The following POU6F2 variants were observed in gnomAD, a reference collection of about 807,000 sequenced individuals.
POU6F2 encodes the protein POU domain, class 6, transcription factor 2.
A neutral mutation model predicts 71.3 loss-of-function variants in POU6F2; 31 were observed. The ratio of observed to expected loss-of-function variants is 0.43; its 90% CI spans 0.33 to 0.59. POU6F2 has a LOEUF of 0.59. POU6F2 is among the 20% of genes least tolerant of loss of function. POU6F2 has a pLI of 0.04. For synonymous variants in POU6F2, 347 were observed against 355.7 expected (o/e 0.98, Z 0.27); for missense variants, 783 against 856.8 (o/e 0.91, Z 1.07).
chr7:39,116,568 T>C (rs1313064014), intron 2 of POU6F2, among the ~76,000 whole-genome samples: 1 of 152,210 alleles, frequency 6.6e-6, no homozygotes, highest in African/African-American at 2.4e-5. Context: ...GGAGGCTAAC[T>C]GTTTAATATT....
At chr7:39,298,362 G>T (rs183896793) in intron 4 of POU6F2, among the ~76,000 whole-genome samples, 2 of 152,286 alleles carry the variant, frequency 1.3e-5, no homozygotes, top group East Asian at 3.9e-4. Context: ...GATATGAACA[G>T]ACACTTCTCA....
intron 2 of POU6F2, among the ~76,000 whole-genome samples, chr7:39,149,073 C>T (rs907694051): frequency 6.6e-6 from 1 of 152,138 alleles, no homozygotes; most frequent in African/African-American, 2.4e-5. Flanking sequence ...AGGGAGGACT[C>T]TGAGGAAGCA....
At chr7:39,167,655 C>A (rs1793140817) in intron 2 of POU6F2, among the ~76,000 whole-genome samples, 1 of 151,858 alleles carries the variant, frequency 6.6e-6, no homozygotes, top group Admixed American at 6.6e-5. Flanking sequence ...ATATCTTTTT[C>A]TTTATTAGCT....
At chr7:39,190,417 TAAAAA>T (rs57872350) in intron 2 of POU6F2, among the ~76,000 whole-genome samples, 47 of 59,892 alleles carry the variant, frequency 7.8e-4, no homozygotes, top group African/African-American at 3.3e-3. Flanking sequence ...CTCCTTTTCT[TAAAAA>T]AAAAAAAAAA....
At chr7:39,281,684 T>G (rs1784565140) in intron 4 of POU6F2, among the ~76,000 whole-genome samples, 1 of 152,196 alleles carries the variant, frequency 6.6e-6, no homozygotes, top group African/African-American at 2.4e-5. Flanking sequence ...ATACCACATT[T>G]TCTTTATCCA....
At chr7:38,981,821 G>T (rs2116589151) in intron 1 of POU6F2, among the ~76,000 whole-genome samples, 1 of 152,294 alleles carries the variant, frequency 6.6e-6, no homozygotes, top group Admixed American at 6.5e-5. Flanking sequence ...TAATGCAAAT[G>T]TCTCAGACAG....
chr7:39,203,575 C>T (rs1203138710), intron 2 of POU6F2, among the ~76,000 whole-genome samples: 1 of 152,170 alleles, frequency 6.6e-6, no homozygotes, highest in African/African-American at 2.4e-5. Context: ...TTCATTTTTT[C>T]TGCTTTGCTG....
chr7:39,347,557 A>C (rs1786054718), intron 5 of POU6F2, among the ~76,000 whole-genome samples: 1 of 152,156 alleles, frequency 6.6e-6, no homozygotes, highest in Non-Finnish European at 1.5e-5. Flanking sequence ...ACATAATGCT[A>C]ATATTGCCTA....
At chr7:39,439,932 C>T (rs768492629) in intron 7 of POU6F2, among the ~76,000 whole-genome samples, 8 of 152,082 alleles carry the variant, frequency 5.3e-5, no homozygotes, top group East Asian at 1.9e-4. Flanking sequence ...ATTTCTCCTT[C>T]GCTTATGAAG....
chr7:39,155,870 C>T (rs1792858398), intron 2 of POU6F2, among the ~76,000 whole-genome samples: 1 of 152,100 alleles, frequency 6.6e-6, no homozygotes, highest in East Asian at 1.9e-4. Flanking sequence ...AGCCATATGG[C>T]AAACACTATT....
chr7:39,026,994 T>A (rs1436834566), intron 1 of POU6F2, among the ~76,000 whole-genome samples: 2 of 152,086 alleles, frequency 1.3e-5, no homozygotes, highest in Non-Finnish European at 2.9e-5. Context: ...ATTGACTGGT[T>A]TTCCCTCTAT....
intron 1 of POU6F2, among the ~76,000 whole-genome samples, chr7:39,075,829 G>T (rs923545838): frequency 6.6e-6 from 1 of 152,216 alleles, no homozygotes; most frequent in East Asian, 1.9e-4. Flanking sequence ...CCTTTGCTTT[G>T]TTGGACTAAT....
intron 1 of POU6F2, among the ~76,000 whole-genome samples, chr7:39,020,113 C>A (rs986864063): frequency 6.6e-6 from 1 of 152,104 alleles, no homozygotes; most frequent in East Asian, 1.9e-4. Flanking sequence ...CCCAGACCCC[C>A]CAAAAAAGCT....
At chr7:39,409,275 A>G (rs1787501080) in intron 6 of POU6F2, among the ~76,000 whole-genome samples, 2 of 152,214 alleles carry the variant, frequency 1.3e-5, no homozygotes, top group African/African-American at 4.8e-5. Flanking sequence ...TAATCACGTT[A>G]AAACCTAAAC....
At chr7:39,055,120 G>A (rs1211868110) in intron 1 of POU6F2, among the ~76,000 whole-genome samples, 1 of 152,132 alleles carries the variant, frequency 6.6e-6, no homozygotes, top group East Asian at 1.9e-4. Flanking sequence ...TTGTAGGAAC[G>A]AAGTAGACGT....
intron 1 of POU6F2, among the ~76,000 whole-genome samples, chr7:39,049,399 T>G (rs751554366): frequency 6.6e-6 from 1 of 152,028 alleles, no homozygotes; most frequent in Non-Finnish European, 1.5e-5. Flanking sequence ...GCTCAAAATA[T>G]TTTGCAATTT....
In POU6F2 at chr7:39,435,879, A is replaced by G. The variant is rs1341294227; in HGVS notation, c.1320+2596A>G. On this transcript the variant is annotated intron_variant, in intron 7 of 9. Coordinates refer to ENST00000518318, the MANE Select transcript of POU6F2 (RefSeq NM_001370959.1). ...CTTTTCCCAGCACCATTTATTAAAT[A>G]GGGAATCCTTTCCCCTTTGTTTTTG... 2.0e-5 allele frequency among the ~76,000 whole-genome samples: 3 copies of G among 152,342 alleles called. No homozygotes were observed. In the South Asian group the frequency reaches 6.2e-4, roughly 32 times the overall value.
chr7:39,465,074 A>T lies in POU6F2; in HGVS notation c.*388A>T, dbSNP rs545748694. 297 of 172,268 alleles carry T rather than the reference A, an allele frequency of 1.7e-3. 1 individual carries two copies. The highest frequency in any genetic ancestry group is 2.9e-3 in the Middle Eastern group (1 of 340). The allele number at this position is 172,268 out of a possible 1,614,324, so 10.7% of individuals were successfully genotyped here. A position where few individuals can be genotyped will look rare whatever the true frequency, so the allele number is the denominator to read the frequency against. On this transcript the variant is annotated 3_prime_UTR_variant, in exon 10 of 10. Coordinates refer to ENST00000518318, the MANE Select transcript of POU6F2 (RefSeq NM_001370959.1). Reference sequence around the variant, plus strand: ...GTGAACACATTTTAAGGAAAAAGAAAAAAAAAAACTAAACCAAAAACCAAC... The same window carrying T: ...GTGAACACATTTTAAGGAAAAAGAATAAAAAAAACTAAACCAAAAACCAAC...
intron 4 of POU6F2, among the ~76,000 whole-genome samples, chr7:39,327,462 T>C (rs1473434430): frequency 6.6e-6 from 1 of 151,904 alleles, no homozygotes; most frequent in East Asian, 1.9e-4. Context: ...ACAATCTTCT[T>C]AGGGGTAAAG....
Sources: allele counts gnomAD v4.1 joint callset (sites outside exome capture counted in the v4.1 genomes callset), GRCh38; gene constraint gnomAD v4.1.1; transcripts MANE v1.5; gene names NCBI Gene and HGNC (gene_info 2026-07-23, HGNC 2026-07-21).